The following SMYD3 variants were observed in gnomAD, a reference collection of about 807,000 sequenced individuals.
The protein encoded by SMYD3 is SET and MYND domain containing 3, also known as histone-lysine N-methyltransferase SMYD3.
Under a neutral mutation model 57.7 loss-of-function variants are expected in SMYD3, and 36 were observed. The observed-to-expected ratio is 0.62, with a 90% CI of 0.48 to 0.82. SMYD3 has a LOEUF of 0.82. SMYD3 is among the 40% of genes least tolerant of loss of function. The probability of loss-of-function intolerance (pLI) is 0.00; values close to 1 mark genes in which losing one functional copy is unlikely to be tolerated. For missense variants in SMYD3, 515 were observed against 538.8 expected (o/e 0.96, Z 0.44); for synonymous variants, 211 against 195.0 (o/e 1.08, Z -0.68).
chr1:246,321,547 C>T (rs1197479645), intron 5 of SMYD3: 1 of 152,126 alleles, frequency 6.6e-6, no homozygotes. Flanking sequence ...GGGTCTCACT[C>T]CGTCCCCCAA....
intron 1 of SMYD3, among the ~76,000 whole-genome samples, chr1:246,406,555 A>T (rs989746540): frequency 6.6e-6 from 1 of 152,220 alleles, no homozygotes; most frequent in Non-Finnish European, 1.5e-5. Flanking sequence ...CTCTTCTTGT[A>T]AGTCTCTCTT....
chr1:246,121,153 T>G lies in SMYD3; in HGVS notation c.532-191216A>C, dbSNP rs116701512. On this transcript the variant is annotated intron_variant, in intron 5 of 11. Transcript: ENST00000490107. Reference sequence around the variant, plus strand: ...CCTAATATGTACTAAACTTTAAATATTTTGTGATATAAAGACAAAACAAAA... The same window carrying G: ...CCTAATATGTACTAAACTTTAAATAGTTTGTGATATAAAGACAAAACAAAA... 6.9e-3 allele frequency among the ~76,000 whole-genome samples: 1,045 copies of G among 152,272 alleles called. 8 individuals carry two copies. Among genetic ancestry groups the G allele is most frequent in the Non-Finnish European group, 8.8e-3 (599 of 68,018 alleles).
chr1:246,036,844 A>G (rs961296685), intron 5 of SMYD3, among the ~76,000 whole-genome samples: 9 of 151,714 alleles, frequency 5.9e-5, no homozygotes, highest in East Asian at 3.9e-4. Context: ...GATTATAGGC[A>G]TGAGCCACCA....
intron 5 of SMYD3, among the ~76,000 whole-genome samples, chr1:246,253,379 T>G (rs6696467): frequency 0.18 from 26,946 of 152,096 alleles, 2,713 homozygotes; most frequent in East Asian, 0.34. Context: ...TATTGGTTTT[T>G]TGTTCCCGTA....
At chr1:246,449,836 G>A (rs908751010) in intron 1 of SMYD3, among the ~76,000 whole-genome samples, 1 of 152,158 alleles carries the variant, frequency 6.6e-6, no homozygotes, top group African/African-American at 2.4e-5. Context: ...ACCTGCTGAC[G>A]TTAGGTGTGG....
At chr1:246,071,622 G>T (rs953616842) in intron 5 of SMYD3, among the ~76,000 whole-genome samples, 1 of 152,104 alleles carries the variant, frequency 6.6e-6, no homozygotes, top group Non-Finnish European at 1.5e-5. Flanking sequence ...AAACAAAAAA[G>T]GCCTGAGAGT....
chr1:246,333,321 T>C (rs1434911471), intron 3 of SMYD3, among the ~76,000 whole-genome samples: 2 of 152,044 alleles, frequency 1.3e-5, no homozygotes, highest in Non-Finnish European at 2.9e-5. Flanking sequence ...ACCTAGGAAA[T>C]ACCCTTCTAC....
chr1:246,099,706 C>T (rs561457245), intron 5 of SMYD3, among the ~76,000 whole-genome samples: 1 of 152,300 alleles, frequency 6.6e-6, no homozygotes, highest in East Asian at 1.9e-4. Flanking sequence ...TTAATAAGAT[C>T]TTCAGACTGA....
At chr1:246,391,639 A>T (rs1260750318) in intron 1 of SMYD3, among the ~76,000 whole-genome samples, 1 of 152,236 alleles carries the variant, frequency 6.6e-6, no homozygotes, top group African/African-American at 2.4e-5. Context: ...AATATCAAAC[A>T]AAATACACTT....
At chr1:246,219,987 G>A (rs114520001) in intron 5 of SMYD3, among the ~76,000 whole-genome samples, 2,178 of 152,282 alleles carry the variant, frequency 0.014, 55 homozygotes, top group African/African-American at 0.049. Flanking sequence ...CTGCAGGTGA[G>A]TAAACAGAAC....
At chr1:245,865,890 A>G (rs544580101) in intron 8 of SMYD3, among the ~76,000 whole-genome samples, 38 of 152,338 alleles carry the variant, frequency 2.5e-4, no homozygotes, top group Non-Finnish European at 4.1e-4. Flanking sequence ...CACTCTTAGA[A>G]GACACTATTC....
intron 5 of SMYD3, among the ~76,000 whole-genome samples, chr1:246,264,351 T>A (rs961463458): frequency 6.6e-6 from 1 of 152,104 alleles, no homozygotes; most frequent in African/African-American, 2.4e-5. Context: ...TGGTAATTGA[T>A]TAAAACAAAA....
chr1:246,105,786 C>T (rs116745526), intron 5 of SMYD3, among the ~76,000 whole-genome samples: 2,221 of 152,278 alleles, frequency 0.015, 53 homozygotes, highest in African/African-American at 0.051. Flanking sequence ...GGGCTTTCCA[C>T]GGTTAATCAA....
intron 5 of SMYD3, among the ~76,000 whole-genome samples, chr1:246,245,460 A>T (rs1319757312): frequency 6.6e-6 from 1 of 152,150 alleles, no homozygotes; most frequent in Non-Finnish European, 1.5e-5. Flanking sequence ...AAACAAACAA[A>T]AAACAGAAAT....
At chr1:245,766,166 A>AG (rs1174140710) in intron 10 of SMYD3, among the ~76,000 whole-genome samples, 1 of 152,024 alleles carries the variant, frequency 6.6e-6, no homozygotes, top group East Asian at 1.9e-4. Flanking sequence ...GCACTTTGGG[A>AG]GGGCGAGGTG....
chr1:245,927,274 A>T (rs1250396150), intron 7 of SMYD3, among the ~76,000 whole-genome samples: 1 of 152,194 alleles, frequency 6.6e-6, no homozygotes, highest in East Asian at 1.9e-4. Context: ...CTGTCTTGTA[A>T]GAAGGTTCTG....
intron 5 of SMYD3, among the ~76,000 whole-genome samples, chr1:246,313,983 T>G (rs1359269890): frequency 6.6e-6 from 1 of 152,182 alleles, no homozygotes; most frequent in African/African-American, 2.4e-5. Flanking sequence ...TTTCAAAAGG[T>G]ACCTTAACTC....
intron 5 of SMYD3, among the ~76,000 whole-genome samples, chr1:246,262,188 TTG>T (rs2064024479): frequency 6.6e-6 from 1 of 152,222 alleles, no homozygotes; most frequent in Admixed American, 6.5e-5. Flanking sequence ...TATGATATTT[TTG>T]TGTGTGTGTT....
chr1:246,091,161 T>G (rs2060817046), intron 5 of SMYD3, among the ~76,000 whole-genome samples: 1 of 152,092 alleles, frequency 6.6e-6, no homozygotes, highest in South Asian at 2.1e-4. Context: ...ATGGAGAATC[T>G]CCCAGCACCC....
Sources: allele counts gnomAD v4.1 joint callset (sites outside exome capture counted in the v4.1 genomes callset), GRCh38; gene constraint gnomAD v4.1.1; transcripts MANE v1.5; gene names NCBI Gene and HGNC (gene_info 2026-07-23, HGNC 2026-07-21).